Variants in DIPK1B observed in about 807,000 individuals in gnomAD.
The protein encoded by DIPK1B is family with sequence similarity 69 member B.
Under a neutral mutation model 20.7 loss-of-function variants are expected in DIPK1B, and 17 were observed. The ratio of observed to expected loss-of-function variants is 0.82; its 90% CI spans 0.56 to 1.23. The LOEUF (loss-of-function observed/expected upper bound fraction) is 1.23, where lower values mean the gene tolerates loss of function less well. DIPK1B is among the 50% of genes most tolerant of loss of function. The probability of loss-of-function intolerance (pLI) is 0.00; values close to 1 mark genes in which losing one functional copy is unlikely to be tolerated. For missense variants in DIPK1B, 648 were observed against 601.8 expected (o/e 1.08, Z -0.80); for synonymous variants, 343 against 276.5 (o/e 1.24, Z -2.39).
intron 4 of DIPK1B, 190 bp from the exon 5 acceptor site, chr9:136,722,772 C>A: frequency 1.6e-6 from 1 of 637,460 alleles, no homozygotes. Context: ...GCCACACAGG[C>A]CAGCAGAGTG....
chr9:136,717,084 C>G (rs1346337443), intron 1 of DIPK1B, among the ~76,000 whole-genome samples: 1 of 152,042 alleles, frequency 6.6e-6, no homozygotes, highest in East Asian at 1.9e-4. Flanking sequence ...CAAAAATTAG[C>G]TGGTCGTGGT....
At chr9:136,719,576 G>C (rs76532484) in intron 2 of DIPK1B, among the ~76,000 whole-genome samples, 1 of 152,236 alleles carries the variant, frequency 6.6e-6, no homozygotes, top group Non-Finnish European at 1.5e-5. Context: ...TGCTGCAGGC[G>C]GGGAACAGGC....
rs777532833 is a variant in DIPK1B, at chr9:136,721,971, G to A, written c.249G>A (p.Leu83=). 2 of 1,613,756 alleles carry A rather than the reference G, an allele frequency of 1.2e-6. No individual in the cohort carries two copies. Among genetic ancestry groups the A allele is most frequent in the Non-Finnish European group, 1.7e-6 (2 of 1,179,980 alleles). Residue 83 remains leucine (L), a synonymous_variant, in exon 3 of 5, where the codon CTG becomes CTA. Transcript: ENST00000371692. ...TCTCGGGCTCCGTCTGCCAGGACCT[G>A]TGTGAGCTGCATATGGTGGAGTGGA... ...GIISGSVCQD[L]CELHMVEWRT...
At chr9:136,717,756 C>G (rs936421869) in intron 2 of DIPK1B, 45 bp downstream of exon 2, 2 of 1,605,240 alleles carry the variant, frequency 1.2e-6, no homozygotes, top group Non-Finnish European at 8.5e-7. Context: ...GTGCCCCCTG[C>G]TGCCCAAGAT....
At chr9:136,718,653 A>G (rs1183265694) in intron 2 of DIPK1B, among the ~76,000 whole-genome samples, 2 of 152,136 alleles carry the variant, frequency 1.3e-5, no homozygotes, top group African/African-American at 4.8e-5. Flanking sequence ...CTGGGCATAG[A>G]AGGATCTGGC....
At chr9:136,714,162 C>T (rs1279469936) in intron 1 of DIPK1B, among the ~76,000 whole-genome samples, 3 of 152,178 alleles carry the variant, frequency 2.0e-5, no homozygotes, top group Non-Finnish European at 4.4e-5. Flanking sequence ...TCAGGGATGG[C>T]AGCTGGGGAA....
intron 4 of DIPK1B, 130 bp downstream of exon 4, chr9:136,722,431 C>A: frequency 9.2e-7 from 1 of 1,081,528 alleles, no homozygotes; most frequent in Non-Finnish European, 1.3e-6. Flanking sequence ...GCAGACCTCC[C>A]ATCCCCCAGC....
intron 2 of DIPK1B, chr9:136,721,485 A>C: frequency 5.5e-6 from 1 of 182,534 alleles, no homozygotes; most frequent in Non-Finnish European, 1.2e-5. Flanking sequence ...CGCGTGTGGC[A>C]GCTGGTGGTG....
intron 2 of DIPK1B, among the ~76,000 whole-genome samples, chr9:136,719,019 G>A (rs756613590): frequency 9.9e-5 from 15 of 152,116 alleles, no homozygotes; most frequent in East Asian, 1.9e-4. Flanking sequence ...CAGCAGGGCC[G>A]GAGGGTGGCA....
chr9:136,719,122 G>A (rs961153313), intron 2 of DIPK1B, among the ~76,000 whole-genome samples: 2 of 143,026 alleles, frequency 1.4e-5, no homozygotes, highest in Non-Finnish European at 3.0e-5. Context: ...AGGTGGAGGG[G>A]CCGGACCTCC....
Position 136,712,757 on chromosome 9 carries a change from G to C in DIPK1B, c.63+29G>C. ...AGCGCGGTGCGCGCCCGCCGCCCCCGGCCGCCTCTGCCTGGGGAGGCCGAG... is the reference window on the plus strand; with the variant it reads ...AGCGCGGTGCGCGCCCGCCGCCCCCCGCCGCCTCTGCCTGGGGAGGCCGAG... On this transcript the variant is annotated intron_variant, in intron 1 of 4. Transcript: ENST00000371692. The surrounding 1 kb of genome is among the most constrained non-coding windows in gnomAD (Gnocchi z 5.6). 7.6e-7 allele frequency: 1 copy of C among 1,314,544 alleles called. No individual in the cohort carries two copies. The highest frequency in any genetic ancestry group is 9.7e-7 in the Non-Finnish European group (1 of 1,035,072). The allele number at this position is 1,314,544 out of a possible 1,614,324, so 81.4% of individuals were successfully genotyped here.
intron 2 of DIPK1B, 47 bp from the exon 3 acceptor site, chr9:136,721,874 C>G (rs768828711): frequency 7.7e-6 from 12 of 1,568,002 alleles, no homozygotes; most frequent in Non-Finnish European, 1.0e-5. Context: ...CTCAGTGGGG[C>G]AGGGGTGTGG....
intron 1 of DIPK1B, among the ~76,000 whole-genome samples, chr9:136,716,517 C>T (rs1846498860): frequency 6.6e-6 from 1 of 152,068 alleles, no homozygotes; most frequent in South Asian, 2.1e-4. Flanking sequence ...AGCCACCCAC[C>T]TCAGCCTCCC....
In DIPK1B at chr9:136,717,201, C is replaced by T. The variant is rs574452982; in HGVS notation, c.64-376C>T. Among the ~76,000 whole-genome samples the T allele has an allele frequency of 3.3e-5, 5 of 151,888 alleles. No individual in the cohort carries two copies. The East Asian group carries it at 9.7e-4, about 30-fold the overall frequency. On this transcript the variant is annotated intron_variant, in intron 1 of 4. Transcript: ENST00000371692. ...CCGAGATCGCGCCACTGCACTCCAG[C>T]CTGGGCTACAGAGTAAGACTCCCTC...
chr9:136,724,062 C>G lies in DIPK1B; in HGVS notation c.*288C>G, dbSNP rs953435860. The G allele has an allele frequency of 2.4e-6, 1 of 423,062 alleles. No homozygotes were observed. Among genetic ancestry groups the G allele is most frequent in the African/African-American group, 2.0e-5 (1 of 48,900 alleles). The allele number at this position is 423,062 out of a possible 1,614,324, so 26.2% of individuals were successfully genotyped here. A position where few individuals can be genotyped will look rare whatever the true frequency, so the allele number is the denominator to read the frequency against. ...ATGCCCAGGGCTGAGCACCCTGAGC[C>G]CCCATCGATGCTGTGTGTGGGACCC... On this transcript the variant is annotated 3_prime_UTR_variant, in exon 5 of 5. Coordinates refer to ENST00000371692, the MANE Select transcript of DIPK1B (RefSeq NM_152421.4).
Position 136,722,218 on chromosome 9 carries a change from C to G in DIPK1B, c.400C>G (p.Arg134Gly), listed in dbSNP as rs527273946. 2.5e-6 allele frequency: 4 copies of G among 1,613,848 alleles called. No individual in the cohort carries two copies. Among genetic ancestry groups the G allele is most frequent in the African/African-American group, 2.7e-5 (2 of 74,904 alleles). The change falls in exon 4 of 5, where the codon CGG becomes GGG. Residue 134 changes from arginine (R) to glycine (G), a missense_variant. Arg to Gly is a moderately radical substitution (Grantham distance 125). Coordinates refer to ENST00000371692, the MANE Select transcript of DIPK1B (RefSeq NM_152421.4). ...CAAGGCCCGGTCGGATGCGGCCCCCCGGCGGGAGCTGGTACTGTTTGACAA... is the reference window on the plus strand; with the variant it reads ...CAAGGCCCGGTCGGATGCGGCCCCCGGGCGGGAGCTGGTACTGTTTGACAA... ...DSKARSDAAPRRELVLFDKPT... is the reference protein window; with the variant it reads ...DSKARSDAAPGRELVLFDKPT...
Position 136,712,696 on chromosome 9 carries a change from G to C in DIPK1B, c.31G>C (p.Val11Leu). ...GCGGCTGCGGCGCCTGGCGCACCTG[G>C]TGCTCTTCTGCCCCTTCTCCAAGCG... The part of the protein sequence containing the change: MRRLRRLAHL[V>L]LFCPFSKRLQ... Residue 11 changes from valine to leucine, a missense_variant, in exon 1 of 5, where the codon GTG becomes CTG. Val to Leu is a conservative substitution (Grantham distance 32). Transcript: ENST00000371692. This position sits in a 1 kb window ranked among gnomAD's most constrained non-coding sequence, Gnocchi z 5.6. 1 of 1,352,882 alleles carries C rather than the reference G, an allele frequency of 7.4e-7. No individual in the cohort carries two copies. The highest frequency in any genetic ancestry group is 9.5e-7 in the Non-Finnish European group (1 of 1,052,764). 83.8% of individuals were successfully genotyped at this position (1,352,882 alleles called of 1,614,324 possible).
intron 2 of DIPK1B, 168 bp from the exon 3 acceptor site, chr9:136,721,753 C>T (rs761437955): frequency 4.6e-5 from 29 of 627,500 alleles, no homozygotes; most frequent in Non-Finnish European, 7.5e-5. Flanking sequence ...CCCCATCCTG[C>T]AGCCACCAAT....
intron 2 of DIPK1B, among the ~76,000 whole-genome samples, chr9:136,719,251 CAA>C (rs1193637205): frequency 6.6e-6 from 1 of 152,150 alleles, no homozygotes; most frequent in Non-Finnish European, 1.5e-5. Context: ...CCCCCACAAA[CAA>C]GAGGAAGCTG....
Sources: gnomAD v4.1 joint callset for allele counts (sites outside exome capture counted in the v4.1 genomes callset) on GRCh38, gnomAD v4.1.1 for gene constraint, Gnocchi (gnomAD v3.1) non-coding constraint, MANE v1.5 for transcripts, NCBI Gene and HGNC (gene_info 2026-07-23, HGNC 2026-07-21) for gene names.